DOCK4: variants seen among roughly 807,000 people sequenced by gnomAD.
DOCK4 encodes the protein dedicator of cytokinesis 4.
A neutral mutation model predicts 268.1 loss-of-function variants in DOCK4; 97 were observed. That is an observed-to-expected ratio of 0.36 (90% CI 0.31 to 0.43). The LOEUF is 0.43. Ranked by LOEUF, DOCK4 falls within the 20% of genes least tolerant of loss-of-function variation. DOCK4 has a pLI of 1.00. For missense variants in DOCK4, 2,145 were observed against 2,455.7 expected, an observed-to-expected ratio of 0.87 and a Z score of 2.67; for synonymous variants, 954 against 887.2, an observed-to-expected ratio of 1.08 and a Z score of -1.34.
Position 111,859,819 on chromosome 7 carries a change from G to A in DOCK4, c.2473+3553C>T, listed in dbSNP as rs542327284. 4.6e-5 allele frequency among the ~76,000 whole-genome samples: 7 copies of A among 152,028 alleles called. No homozygotes were observed. The South Asian group carries it at 1.2e-3, about 27-fold the overall frequency. The stretch of plus-strand genomic sequence containing the variant: ...TCTGACCTCGTGATCCGCCCGCCTC[G>A]GCCTCCCAAAGTGCTGGGATTACAG... On this transcript the variant is annotated intron_variant, in intron 23 of 52. Transcript: ENST00000428084.
intron 6 of DOCK4, among the ~76,000 whole-genome samples, chr7:111,986,796 T>C (rs1383362664): frequency 6.6e-6 from 1 of 152,210 alleles, no homozygotes; most frequent in Non-Finnish European, 1.5e-5. Context: ...GAAATGAGAT[T>C]AATGATCTCT....
chr7:112,194,011 C>G (rs1213186254), intron 1 of DOCK4, among the ~76,000 whole-genome samples: 1 of 152,014 alleles, frequency 6.6e-6, no homozygotes, highest in Non-Finnish European at 1.5e-5. Context: ...CAGATCAGGG[C>G]CCCACCCTTA....
intron 5 of DOCK4, among the ~76,000 whole-genome samples, chr7:111,992,760 C>G (rs540552741): frequency 2.0e-4 from 31 of 152,306 alleles, no homozygotes; most frequent in Non-Finnish European, 3.7e-4. Context: ...ATGGACAACA[C>G]TCACACTGTC....
chr7:111,840,935 A>G (rs2134060725), intron 25 of DOCK4: 1 of 903,640 alleles, frequency 1.1e-6, no homozygotes, highest in African/African-American at 1.7e-5. Flanking sequence ...TTTGTGAAAG[A>G]CAAGACCAGG....
Position 111,859,029 on chromosome 7 carries a change from CT to C in DOCK4, c.2473+4342del, listed in dbSNP as rs200509269. On this transcript the variant is annotated intron_variant, in intron 23 of 52. Transcript: ENST00000428084. ...AGCCAACTGTACTCTTTGCTCCCCC[CT>C]TTTTTTGAGACAGGGTCTCCATCTG... 3.9e-3 allele frequency among the ~76,000 whole-genome samples: 591 copies of C among 152,200 alleles called. 6 individuals are homozygous for C. Among genetic ancestry groups the C allele is most frequent in the African/African-American group, 0.014 (569 of 41,538 alleles).
intron 31 of DOCK4, among the ~76,000 whole-genome samples, chr7:111,789,815 G>A (rs1483209702): frequency 2.0e-5 from 3 of 152,164 alleles, no homozygotes; most frequent in Non-Finnish European, 4.4e-5. Context: ...CCATGACTGT[G>A]TGAACAGACA....
chr7:112,053,915 C>A (rs1420902000), intron 1 of DOCK4, among the ~76,000 whole-genome samples: 2 of 152,154 alleles, frequency 1.3e-5, no homozygotes, highest in African/African-American at 2.4e-5. Context: ...AGGAGGCAAA[C>A]AACAAATGTC....
intron 13 of DOCK4, among the ~76,000 whole-genome samples, chr7:111,911,839 T>C (rs1335310435): frequency 6.6e-6 from 1 of 152,116 alleles, no homozygotes; most frequent in Non-Finnish European, 1.5e-5. Flanking sequence ...GATTTGCCCA[T>C]CAATTTGCTT....
chr7:111,972,900 GTGTACAC>G (rs1797838345), intron 8 of DOCK4, among the ~76,000 whole-genome samples: 1 of 151,308 alleles, frequency 6.6e-6, no homozygotes, highest in Non-Finnish European at 1.5e-5. Flanking sequence ...CACCTGAGCA[GTGTACAC>G]TGTACCCAAT....
chr7:112,094,964 AC>A lies in DOCK4; in HGVS notation c.38-90834del, dbSNP rs1809977895. On this transcript the variant is annotated intron_variant, in intron 1 of 52. Coordinates refer to ENST00000428084, the MANE Select transcript of DOCK4 (RefSeq NM_001363540.2). ...CAGATGCCAGCACCATGCTTCCTGT[AC>A]TGCCTGCAGAATCATGAGCTGATTA... 2.6e-5 allele frequency among the ~76,000 whole-genome samples: 4 copies of A among 152,314 alleles called. No homozygotes were observed. In the South Asian group the frequency reaches 6.2e-4, roughly 24 times the overall value.
chr7:111,791,070 T>TTTTATATATATATATATA (rs1799494240), intron 30 of DOCK4, among the ~76,000 whole-genome samples: 2 of 95,484 alleles, frequency 2.1e-5, no homozygotes, highest in African/African-American at 1.2e-4. Flanking sequence ...AAAAAAAAAA[T>TTTTATATATATATATATA]TATATATATA....
chr7:112,081,692 T>C (rs541104087), intron 1 of DOCK4, among the ~76,000 whole-genome samples: 27 of 152,288 alleles, frequency 1.8e-4, no homozygotes, highest in African/African-American at 5.8e-4. Context: ...CCAGTGCCCG[T>C]CAATACTCCA....
intron 12 of DOCK4, among the ~76,000 whole-genome samples, chr7:111,925,502 C>A (rs1467918934): frequency 6.6e-6 from 1 of 152,142 alleles, no homozygotes; most frequent in Admixed American, 6.6e-5. Flanking sequence ...TAGGAAGAGA[C>A]TGGTGTGTAC....
chr7:112,204,139 T>A (rs1821178345), intron 1 of DOCK4, among the ~76,000 whole-genome samples: 1 of 152,088 alleles, frequency 6.6e-6, no homozygotes, highest in Non-Finnish European at 1.5e-5. Context: ...ATTTGACTGA[T>A]AATATCCGGT....
At chr7:112,110,401 C>T (rs561662166) in intron 1 of DOCK4, among the ~76,000 whole-genome samples, 1 of 152,286 alleles carries the variant, frequency 6.6e-6, no homozygotes, top group South Asian at 2.1e-4. Flanking sequence ...ACGTGTCCAT[C>T]CATCTTAGAG....
chr7:111,953,081 G>A (rs1272645879), intron 8 of DOCK4, among the ~76,000 whole-genome samples: 1 of 151,934 alleles, frequency 6.6e-6, no homozygotes, highest in Non-Finnish European at 1.5e-5. Context: ...TAAAAAATTA[G>A]CCCGGTGGGG....
rs1198742140 is a variant in DOCK4 at position 111,901,704 on chromosome 7, A to G, written c.1290T>C (p.Ile430=). 1.2e-6 allele frequency: 2 copies of G among 1,613,554 alleles called. No individual in the cohort carries two copies. The highest frequency in any genetic ancestry group is 1.7e-5 in the Admixed American group (1 of 60,018). ...VARNVEVTMF[I]VDSSGQTLKD... is the part of the protein sequence containing the mutation. ...TCAGGGTTTGGCCACTACTGTCTAC[A>G]ATGAACATCGTAACTTCCACATTTC... Residue 430 remains isoleucine, a synonymous_variant, in exon 14 of 53, where the codon ATT becomes ATC. Coordinates refer to ENST00000428084, the MANE Select transcript of DOCK4 (RefSeq NM_001363540.2).
chr7:111,886,616 T>G (rs1352185035), intron 16 of DOCK4, among the ~76,000 whole-genome samples: 1 of 151,658 alleles, frequency 6.6e-6, no homozygotes, highest in East Asian at 1.9e-4. Flanking sequence ...GGAGGAAAAG[T>G]CAAGGGAGGG....
chr7:111,881,869 T>TA (rs1807420421), intron 16 of DOCK4, among the ~76,000 whole-genome samples: 1 of 152,128 alleles, frequency 6.6e-6, no homozygotes, highest in South Asian at 2.1e-4. Context: ...TTGTGGGATC[T>TA]AAAAACCAAA....
Sources: gnomAD v4.1 joint callset for allele counts (sites outside exome capture counted in the v4.1 genomes callset) on GRCh38, gnomAD v4.1.1 for gene constraint, MANE v1.5 for transcripts, NCBI Gene and HGNC (gene_info 2026-07-23, HGNC 2026-07-21) for gene names.